Variants in COQ8B observed in about 807,000 individuals in gnomAD.
COQ8B encodes the protein coenzyme Q8B.
COQ8B carries 44 observed loss-of-function variants against 62.0 expected under a neutral mutation model. The ratio of observed to expected loss-of-function variants is 0.71; its 90% CI spans 0.56 to 0.91. The LOEUF (loss-of-function observed/expected upper bound fraction) is 0.91. Among genes scored for constraint, COQ8B ranks in the 40% least tolerant of loss-of-function variants. The pLI, the probability that COQ8B is intolerant of heterozygous loss-of-function variation, is 0.00. For synonymous variants in COQ8B, 252 were observed against 289.9 expected (o/e 0.87, Z 1.33); for missense variants, 649 against 731.6 (o/e 0.89, Z 1.30).
In COQ8B at chr19:40,692,911, CAACA is replaced by C. The variant is rs780688273; in HGVS notation, c.1296+36_1296+39del. 5 of 1,594,672 alleles carry C rather than the reference CAACA, an allele frequency of 3.1e-6. No homozygotes were observed. In the African/African-American group the frequency reaches 5.4e-5, roughly 17 times the overall value. The stretch of plus-strand genomic sequence containing the variant: ...TAAGCAGCCCCCCACTGCACCCCAC[CAACA>C]GACACCAGCCCCTTTCTCCCCCAGT... On this transcript the variant is annotated intron_variant, in intron 14 of 14. Coordinates refer to ENST00000324464, the MANE Select transcript of COQ8B (RefSeq NM_024876.4).
intron 5 of COQ8B, chr19:40,707,999 A>C (rs1378551006): frequency 6.6e-6 from 1 of 152,220 alleles, no homozygotes; most frequent in Non-Finnish European, 1.5e-5. Flanking sequence ...AGGTATGTGT[A>C]CCTGGGTTTA....
At chr19:40,709,559 A>C (rs555126920) in intron 5 of COQ8B, among the ~76,000 whole-genome samples, 208 of 152,294 alleles carry the variant, frequency 1.4e-3, no homozygotes, top group African/African-American at 4.8e-3. Context: ...AGATAATCTA[A>C]TATGTGGCTG....
At position 40,705,057 on chromosome 19, in the gene COQ8B, G is replaced by A. The variant is rs1223196733; in HGVS notation, c.576+39C>T. ...GGTCAGGCAGGTCAGAGGAGATGGA[G>A]CCTGCCTCCCTCACCGCCCTCCCCC... On this transcript the variant is annotated intron_variant, in intron 7 of 14. Coordinates refer to ENST00000324464, the MANE Select transcript of COQ8B (RefSeq NM_024876.4). 4 of 1,547,526 alleles carry A rather than the reference G, an allele frequency of 2.6e-6. No individual in the cohort carries two copies. In the East Asian group the frequency reaches 7.1e-5, roughly 28 times the overall value.
chr19:40,705,017 C>T (rs775738775), intron 7 of COQ8B, 79 bp downstream of exon 7: 211 of 1,332,832 alleles, frequency 1.6e-4, no homozygotes, highest in Non-Finnish European at 2.1e-4. Flanking sequence ...GGGAGTGGGG[C>T]AGTGAAGCCA....
rs2081986304 is a variant in COQ8B at position 40,693,028 on chromosome 19, C to G, written c.1219G>C (p.Ala407Pro). Residue 407 changes from alanine (A) to proline (P), a missense_variant, in exon 14 of 15, where the codon GCT becomes CCT. Transcript: ENST00000324464. ...CAGTCTCTGTCTCCATCAGCTGCAG[C>G]CTTCACCACCTGGGGAGACGGGTGG... is the stretch of plus-strand genomic sequence containing the variant. ...FTDHYIEVVK[A>P]AADGDRDCVL... 6.2e-7 allele frequency: 1 copy of G among 1,613,826 alleles called. No homozygotes were observed. Among genetic ancestry groups the G allele is most frequent in the Non-Finnish European group, 8.5e-7 (1 of 1,179,828 alleles).
chr19:40,700,056 T>C lies in COQ8B; in HGVS notation c.1143+11A>G. Reference sequence around the variant, plus strand: ...GCAAATGTACCCAGACACACATCACTAGGAACCAACCTGGTGGCTGGAGGC... The same window carrying C: ...GCAAATGTACCCAGACACACATCACCAGGAACCAACCTGGTGGCTGGAGGC... On this transcript the variant is annotated intron_variant, in intron 12 of 14. Transcript: ENST00000324464. 2 of 1,613,060 alleles carry C rather than the reference T, an allele frequency of 1.2e-6. No individual in the cohort carries two copies. Among genetic ancestry groups the C allele is most frequent in the Non-Finnish European group, 8.5e-7 (1 of 1,179,014 alleles).
chr19:40,715,035 C>T, intron 1 of COQ8B: 2 of 990,934 alleles, frequency 2.0e-6, no homozygotes, highest in Non-Finnish European at 2.4e-6. Context: ...CTGAGCACCT[C>T]CCCCCGTTGC....
At chr19:40,703,299 C>A in intron 9 of COQ8B, 1 of 514,856 alleles carries the variant, frequency 1.9e-6, no homozygotes, top group Non-Finnish European at 3.4e-6. Context: ...TGAGAGTCTG[C>A]TGCTGTATCT....
In COQ8B at chr19:40,700,104, T is replaced by C. The variant is rs1424180100; in HGVS notation, c.1106A>G (p.Asn369Ser). Residue 369 changes from asparagine (N) to serine (S), a missense_variant, in exon 12 of 15, where the codon AAC (asparagine) becomes AGC (serine). Transcript: ENST00000324464. ...GGCATCATACAGGAAGTTGGCCCAG[T>C]TGGGGTCAGTCTGCATGAATCGGAA... is the stretch of plus-strand genomic sequence containing the variant. Reference protein sequence around the residue: ...FEFRFMQTDPNWANFLYDASS... With the variant: ...FEFRFMQTDPSWANFLYDASS... The C allele has an allele frequency of 6.2e-6, 10 of 1,614,070 alleles. No individual in the cohort carries two copies. Among genetic ancestry groups the C allele is most frequent in the Non-Finnish European group, 3.4e-6 (4 of 1,180,036 alleles).
rs1277291764 is a variant in COQ8B, at chr19:40,700,466, AAGGG to A, written c.894-19_894-16del. The A allele has an allele frequency of 6.2e-7, 1 of 1,610,552 alleles. No individual in the cohort carries two copies. The highest frequency in any genetic ancestry group is 8.5e-7 in the Non-Finnish European group (1 of 1,178,608). On this transcript the variant is annotated splice_polypyrimidine_tract_variant and intron_variant, in intron 10 of 14. Coordinates refer to ENST00000324464, the MANE Select transcript of COQ8B (RefSeq NM_024876.4). ...CCAGCAGCTGCCTGGGGCAGAAGGA[AAGGG>A]AGGAAGGGGACTTCGTGCTTCAGGC...
intron 7 of COQ8B, 102 bp downstream of exon 7, chr19:40,704,994 A>T: frequency 9.2e-7 from 1 of 1,090,056 alleles, no homozygotes; most frequent in Non-Finnish European, 1.3e-6. Context: ...GGGGAAAGTG[A>T]GGCTCAGAGG....
chr19:40,697,921 A>G (rs764388368), intron 12 of COQ8B, among the ~76,000 whole-genome samples: 14 of 145,148 alleles, frequency 9.6e-5, no homozygotes, highest in Non-Finnish European at 1.5e-4. Context: ...AACGTCAAAC[A>G]AAAGTGTCCC....
Position 40,702,863 on chromosome 19 carries a change from C to A in COQ8B, c.800-170G>T, listed in dbSNP as rs114762248. ...GTCTCCCACGCAGCTCCTGCTCCTG[C>A]CTCTGACCTGCATCTGTCCCTCTCC... On this transcript the variant is annotated intron_variant, in intron 9 of 14. Coordinates refer to ENST00000324464, the MANE Select transcript of COQ8B (RefSeq NM_024876.4). 2.1e-3 allele frequency among the ~76,000 whole-genome samples: 320 copies of A among 152,152 alleles called. 1 individual carries two copies. The highest frequency in any genetic ancestry group is 7.4e-3 in the African/African-American group (308 of 41,518).
intron 5 of COQ8B, among the ~76,000 whole-genome samples, chr19:40,708,930 CAA>C (rs59768127): frequency 6.9e-6 from 1 of 144,714 alleles, no homozygotes; most frequent in Non-Finnish European, 1.5e-5. Flanking sequence ...ACCCTGTCTC[CAA>C]AAAAAAAAAG....
chr19:40,692,035 T>A lies in COQ8B; in HGVS notation c.1635A>T (p.Ter545CysextTer61). The A allele has an allele frequency of 1.9e-6, 3 of 1,596,900 alleles. No individual in the cohort carries two copies. Among genetic ancestry groups the A allele is most frequent in the Non-Finnish European group, 1.7e-6 (2 of 1,171,886 alleles). ...TKGDSWVDPS[*>C] is the part of the protein sequence containing the mutation. ...GGGACTGAATCCCCCATGGAGGCTG[T>A]CATGAGGGATCCACCCAGGAGTCCC... The change falls in exon 15 of 15, where the codon TGA becomes TGT. Residue 545 changes from the stop codon to cysteine (C), a stop_lost. Transcript: ENST00000324464.
chr19:40,700,799 A>G, intron 10 of COQ8B: 1 of 246,060 alleles, frequency 4.1e-6, no homozygotes, highest in Non-Finnish European at 8.0e-6. Flanking sequence ...TTAATTTATT[A>G]ATTCATTCAT....
chr19:40,705,444 C>T lies in COQ8B; in HGVS notation c.371G>A (p.Gly124Asp), dbSNP rs930019602. ...SMPGGRLQSE[G>D]GSGLDSSPFL... ...GGGGCTGGAGTCCAGCCCAGAACCA[C>T]CCTCTGGGGAGAGAACAACCATTAG... Residue 124 changes from glycine (G) to aspartate (D), a missense_variant, in exon 6 of 15, where the codon GGT (glycine) becomes GAT (aspartate). By Grantham distance (94) the Gly-to-Asp change is moderately conservative. Transcript: ENST00000324464. The T allele has an allele frequency of 3.2e-6, 5 of 1,559,064 alleles. No homozygotes were observed. The African/African-American group carries it at 4.1e-5, about 13-fold the overall frequency.
intron 5 of COQ8B, among the ~76,000 whole-genome samples, chr19:40,709,114 T>G (rs1237865877): frequency 6.6e-6 from 1 of 152,216 alleles, no homozygotes; most frequent in Admixed American, 6.5e-5. Flanking sequence ...TGCATGTAGT[T>G]GCACTTAAGC....
chr19:40,702,595 C>T lies in COQ8B; in HGVS notation c.893+5G>A. 6.2e-7 allele frequency: 1 copy of T among 1,613,148 alleles called. No homozygotes were observed. The highest frequency in any genetic ancestry group is 1.3e-5 in the African/African-American group (1 of 75,032). Reference sequence around the variant, plus strand: ...AAGGAGGGAAGCTCAGGGCACTCAGCTCACCTGAAATTCTGGGCACAAGCC... The same window carrying T: ...AAGGAGGGAAGCTCAGGGCACTCAGTTCACCTGAAATTCTGGGCACAAGCC... On this transcript the variant is annotated splice_donor_5th_base_variant and intron_variant, in intron 10 of 14. Coordinates refer to ENST00000324464, the MANE Select transcript of COQ8B (RefSeq NM_024876.4).
Sources: gnomAD v4.1 joint callset for allele counts (sites outside exome capture counted in the v4.1 genomes callset) on GRCh38, gnomAD v4.1.1 for gene constraint, MANE v1.5 for transcripts, NCBI Gene and HGNC (gene_info 2026-07-23, HGNC 2026-07-21) for gene names.